Variants in SFMBT1 observed in about 807,000 individuals in gnomAD.
SFMBT1 encodes the protein scm-like with four MBT domains protein 1.
SFMBT1 carries 32 observed loss-of-function variants against 108.7 expected under a neutral mutation model. The ratio of observed to expected loss-of-function variants is 0.29; its 90% CI spans 0.22 to 0.40. The LOEUF is 0.40. Ranked by LOEUF, SFMBT1 falls within the 10% of genes least tolerant of loss-of-function variation. The probability of loss-of-function intolerance (pLI) is 1.00; values close to 1 mark genes in which losing one functional copy is unlikely to be tolerated. For synonymous variants in SFMBT1, 348 were observed against 369.5 expected, an observed-to-expected ratio of 0.94 and a Z score of 0.67; for missense variants, 816 against 1,059.6, an observed-to-expected ratio of 0.77 and a Z score of 3.19.
chr3:53,034,410 C>T (rs1318182835), intron 1 of SFMBT1, among the ~76,000 whole-genome samples: 2 of 151,338 alleles, frequency 1.3e-5, no homozygotes, highest in Non-Finnish European at 2.9e-5. Flanking sequence ...AATCCCATCT[C>T]TACTAAAAAT....
intron 1 of SFMBT1, among the ~76,000 whole-genome samples, chr3:53,012,626 T>G (rs962500674): frequency 6.6e-6 from 1 of 151,042 alleles, no homozygotes; most frequent in African/African-American, 2.5e-5. Flanking sequence ...ATGGTCTCGA[T>G]CTCCTGACCT....
At position 52,904,753 on chromosome 3, in the gene SFMBT1, C is replaced by T. The variant is rs1291549042; in HGVS notation, c.*383G>A. On this transcript the variant is annotated 3_prime_UTR_variant, in exon 21 of 21. Coordinates refer to ENST00000394752, the MANE Select transcript of SFMBT1 (RefSeq NM_016329.4). ...TTTCCAAGAAAAAGAAAGCAGAGAACAAAGTTCAATCTACAATGGGAGGGA... is the reference window on the plus strand; with the variant it reads ...TTTCCAAGAAAAAGAAAGCAGAGAATAAAGTTCAATCTACAATGGGAGGGA... 1.8e-5 allele frequency: 3 copies of T among 166,538 alleles called. No individual in the cohort carries two copies. The highest frequency in any genetic ancestry group is 3.9e-5 in the Non-Finnish European group (3 of 77,698). The allele number at this position is 166,538 out of a possible 1,614,324, so 10.3% of individuals were successfully genotyped here. A position where few individuals can be genotyped will look rare whatever the true frequency, so the allele number is the denominator to read the frequency against.
At chr3:52,948,765 C>A (rs1047868504) in intron 3 of SFMBT1, among the ~76,000 whole-genome samples, 1 of 149,820 alleles carries the variant, frequency 6.7e-6, no homozygotes, top group Non-Finnish European at 1.5e-5. Flanking sequence ...GATCCCCCCA[C>A]CCCAGCCTCT....
At chr3:53,008,765 G>A (rs1698838793) in intron 1 of SFMBT1, among the ~76,000 whole-genome samples, 1 of 151,058 alleles carries the variant, frequency 6.6e-6, no homozygotes. Flanking sequence ...CTCCCGAGTA[G>A]CTGGGACTAC....
chr3:52,913,241 A>G (rs1200366536), intron 15 of SFMBT1, among the ~76,000 whole-genome samples: 1 of 152,210 alleles, frequency 6.6e-6, no homozygotes, highest in Non-Finnish European at 1.5e-5. Context: ...TCTCTGACAG[A>G]AGACCTTTCT....
At chr3:52,988,747 T>C (rs1705016978) in intron 1 of SFMBT1, among the ~76,000 whole-genome samples, 1 of 152,164 alleles carries the variant, frequency 6.6e-6, no homozygotes. Flanking sequence ...AAAAGTTAAA[T>C]GGACATGAGG....
At chr3:52,931,728 T>C (rs1489807858) in intron 6 of SFMBT1, among the ~76,000 whole-genome samples, 1 of 152,034 alleles carries the variant, frequency 6.6e-6, no homozygotes, top group Non-Finnish European at 1.5e-5. Context: ...TAATCCTAGC[T>C]ACTGGGGAGG....
At chr3:53,044,607 G>A (rs1054625816) in intron 1 of SFMBT1, among the ~76,000 whole-genome samples, 12 of 152,212 alleles carry the variant, frequency 7.9e-5, no homozygotes, top group Admixed American at 7.9e-4. Context: ...ACACGTTCAG[G>A]CATTTTACCC....
intron 4 of SFMBT1, among the ~76,000 whole-genome samples, chr3:52,941,133 A>C (rs1247834448): frequency 6.6e-6 from 1 of 152,354 alleles, no homozygotes; most frequent in South Asian, 2.1e-4. Flanking sequence ...CATAATGAAC[A>C]TTATTGGGAC....
intron 2 of SFMBT1, among the ~76,000 whole-genome samples, chr3:52,960,839 A>G (rs1358551942): frequency 6.6e-6 from 1 of 152,184 alleles, no homozygotes; most frequent in Non-Finnish European, 1.5e-5. Flanking sequence ...TTAGCCTTTT[A>G]AAAAAAGGAA....
intron 10 of SFMBT1, among the ~76,000 whole-genome samples, chr3:52,923,695 C>T (rs1158356979): frequency 6.6e-6 from 1 of 151,590 alleles, no homozygotes; most frequent in Non-Finnish European, 1.5e-5. Flanking sequence ...GAAAATAAAG[C>T]AAAACGACTA....
At chr3:52,999,358 G>C (rs1698458151) in intron 1 of SFMBT1, among the ~76,000 whole-genome samples, 1 of 150,454 alleles carries the variant, frequency 6.6e-6, no homozygotes, top group African/African-American at 2.4e-5. Flanking sequence ...CCTCTGACCA[G>C]GCCTGCGGGG....
chr3:53,040,079 C>T (rs1014718692), intron 1 of SFMBT1, among the ~76,000 whole-genome samples: 5 of 152,036 alleles, frequency 3.3e-5, no homozygotes, highest in African/African-American at 1.2e-4. Context: ...ACAGAAAAAG[C>T]ATATTTTAGA....
chr3:52,955,564 T>C (rs1374981450), intron 2 of SFMBT1, among the ~76,000 whole-genome samples: 1 of 151,978 alleles, frequency 6.6e-6, no homozygotes, highest in Non-Finnish European at 1.5e-5. Flanking sequence ...CATCAGAGAA[T>C]ACTATAAATA....
chr3:53,023,535 G>A (rs1273923545), intron 1 of SFMBT1, among the ~76,000 whole-genome samples: 1 of 152,192 alleles, frequency 6.6e-6, no homozygotes, highest in Non-Finnish European at 1.5e-5. Context: ...TACCATCTGT[G>A]CTGGATAGTG....
chr3:53,006,612 G>C (rs942764466), intron 1 of SFMBT1, among the ~76,000 whole-genome samples: 1 of 134,216 alleles, frequency 7.5e-6, no homozygotes, highest in African/African-American at 3.6e-5. Flanking sequence ...CTGGGCGACA[G>C]AGCAAAACTC....
rs1450884934 is a variant in SFMBT1 at position 52,904,926 on chromosome 3, G to T, written c.*210C>A. On this transcript the variant is annotated 3_prime_UTR_variant, in exon 21 of 21. Transcript: ENST00000394752. ...AAAAACTGCCATCTGCTGAACAAGA[G>T]ATGTCCACATTTCCACCAGCAGGTG... The T allele has an allele frequency of 1.0e-5, 5 of 499,234 alleles. No homozygotes were observed. In the East Asian group the frequency reaches 1.7e-4, roughly 17 times the overall value. 30.9% of individuals were successfully genotyped at this position (499,234 alleles called of 1,614,324 possible).
chr3:52,910,907 C>G (rs1453349709), intron 17 of SFMBT1, 96 bp downstream of exon 17: 12 of 1,071,270 alleles, frequency 1.1e-5, no homozygotes, highest in Non-Finnish European at 1.7e-5. Context: ...GTTCGTGTGC[C>G]TCTGCTATAT....
intron 12 of SFMBT1, among the ~76,000 whole-genome samples, chr3:52,919,033 C>T (rs1040305848): frequency 1.6e-4 from 25 of 152,060 alleles, no homozygotes; most frequent in Non-Finnish European, 5.9e-5. Context: ...AATCTAATGC[C>T]GCCCCGATCT....
Sources: allele counts gnomAD v4.1 joint callset (sites outside exome capture counted in the v4.1 genomes callset), GRCh38; gene constraint gnomAD v4.1.1; transcripts MANE v1.5; gene names NCBI Gene and HGNC (gene_info 2026-07-23, HGNC 2026-07-21).